Variants in KHDRBS2 observed in about 807,000 individuals in gnomAD.
The protein encoded by KHDRBS2 is KH RNA binding domain containing, signal transduction associated 2, also known as KH domain-containing, RNA-binding, signal transduction-associated protein 2.
In KHDRBS2, 26 loss-of-function variants were observed where a neutral mutation model predicts 44.3. The ratio of observed to expected loss-of-function variants is 0.59; its 90% CI spans 0.43 to 0.81. The LOEUF (loss-of-function observed/expected upper bound fraction) is 0.81. KHDRBS2 is among the 40% of genes least tolerant of loss of function. The probability of loss-of-function intolerance (pLI) is 0.00; values close to 1 mark genes in which losing one functional copy is unlikely to be tolerated. For synonymous variants in KHDRBS2, 194 were observed against 151.1 expected (o/e 1.28, Z -2.08); for missense variants, 476 against 433.1 (o/e 1.10, Z -0.88).
intron 6 of KHDRBS2, among the ~76,000 whole-genome samples, chr6:61,876,629 G>C (rs570181196): frequency 2.6e-4 from 40 of 152,138 alleles, no homozygotes; most frequent in African/African-American, 9.1e-4. Flanking sequence ...ATGGCATTCA[G>C]TTGTTGCAGT....
At chr6:61,785,653 G>A (rs1192065) in intron 6 of KHDRBS2, among the ~76,000 whole-genome samples, 97,446 of 151,830 alleles carry the variant, frequency 0.64, 31,994 homozygotes, top group African/African-American at 0.79. Context: ...ACCACAATAG[G>A]AAGATGAAGA....
At chr6:61,718,893 TC>T (rs1299590432) in intron 7 of KHDRBS2, among the ~76,000 whole-genome samples, 2 of 152,060 alleles carry the variant, frequency 1.3e-5, no homozygotes, top group Admixed American at 6.6e-5. Context: ...GGAGTCTAAT[TC>T]CCCGCCCCCA....
At chr6:61,912,564 G>T (rs1275042217) in intron 4 of KHDRBS2, among the ~76,000 whole-genome samples, 2 of 152,106 alleles carry the variant, frequency 1.3e-5, no homozygotes, top group East Asian at 3.9e-4. Context: ...GAAGACCTGG[G>T]TTCTTTGCTC....
chr6:61,589,358 G>A, the KHDRBS2 span, among the ~76,000 whole-genome samples: 1 of 152,160 alleles, frequency 6.6e-6, no homozygotes, highest in East Asian at 1.9e-4. Context: ...AAGAATGAAA[G>A]TCACTAAGGA....
chr6:61,665,082 A>G, the KHDRBS2 span, among the ~76,000 whole-genome samples: 1 of 151,580 alleles, frequency 6.6e-6, no homozygotes, highest in Non-Finnish European at 1.5e-5. Context: ...TTACATAAAA[A>G]TTTGTGTTTG....
intron 6 of KHDRBS2, among the ~76,000 whole-genome samples, chr6:61,788,503 G>T (rs1225852498): frequency 1.3e-5 from 2 of 151,370 alleles, no homozygotes; most frequent in Non-Finnish European, 1.5e-5. Context: ...GTAATTGTGA[G>T]ATATTTATGT....
At chr6:62,241,304 A>G (rs1283075644) in intron 1 of KHDRBS2, among the ~76,000 whole-genome samples, 1 of 152,188 alleles carries the variant, frequency 6.6e-6, no homozygotes, top group Non-Finnish European at 1.5e-5. Flanking sequence ...GCAAGAATTA[A>G]CTTTAAAAAC....
At chr6:62,070,655 C>A (rs1584503124) in intron 2 of KHDRBS2, among the ~76,000 whole-genome samples, 1 of 152,142 alleles carries the variant, frequency 6.6e-6, no homozygotes, top group African/African-American at 2.4e-5. Context: ...CATGCCCCTA[C>A]AAAGGACATG....
chr6:61,904,260 T>C (rs1214153797), intron 4 of KHDRBS2, among the ~76,000 whole-genome samples: 6 of 152,180 alleles, frequency 3.9e-5, no homozygotes, highest in Non-Finnish European at 8.8e-5. Context: ...ATTTAAATCT[T>C]TGCTCAGAGT....
At chr6:61,619,982 G>A in the KHDRBS2 span, among the ~76,000 whole-genome samples, 3 of 152,000 alleles carry the variant, frequency 2.0e-5, no homozygotes, top group Middle Eastern at 3.4e-3. Context: ...CTTTCATTTC[G>A]ATTACTTGTG....
intron 6 of KHDRBS2, among the ~76,000 whole-genome samples, chr6:61,826,530 C>T (rs1583035377): frequency 6.6e-6 from 1 of 152,022 alleles, no homozygotes; most frequent in Admixed American, 6.6e-5. Context: ...TTACTGGCTT[C>T]TGGCTACTTC....
At chr6:61,723,589 A>G (rs1773065030) in intron 7 of KHDRBS2, among the ~76,000 whole-genome samples, 1 of 152,044 alleles carries the variant, frequency 6.6e-6, no homozygotes, top group South Asian at 2.1e-4. Flanking sequence ...AAACAACAAT[A>G]CAGAAGCTGA....
intron 2 of KHDRBS2, among the ~76,000 whole-genome samples, chr6:62,084,934 A>G (rs1257237122): frequency 6.6e-6 from 1 of 152,178 alleles, no homozygotes; most frequent in Non-Finnish European, 1.5e-5. Flanking sequence ...CTTATGGCAC[A>G]TGTAAATGAA....
chr6:61,958,210 T>C (rs1192798127), intron 4 of KHDRBS2, among the ~76,000 whole-genome samples: 1 of 152,168 alleles, frequency 6.6e-6, no homozygotes, highest in Non-Finnish European at 1.5e-5. Flanking sequence ...TATTCTTAAT[T>C]TCTTTGTGGA....
chr6:61,576,182 T>A, the KHDRBS2 span, among the ~76,000 whole-genome samples: 1 of 152,218 alleles, frequency 6.6e-6, no homozygotes, highest in African/African-American at 2.4e-5. Flanking sequence ...GGCAGTATGA[T>A]CATTTTAATA....
chr6:61,848,512 T>TATATATATAC (rs1794848850), intron 6 of KHDRBS2, among the ~76,000 whole-genome samples: 1 of 50,938 alleles, frequency 2.0e-5, no homozygotes, highest in Non-Finnish European at 3.5e-5. Flanking sequence ...TATATATATG[T>TATATATATAC]ATATATGTAT....
the KHDRBS2 span, among the ~76,000 whole-genome samples, chr6:61,622,273 C>A: frequency 2.6e-5 from 4 of 152,210 alleles, no homozygotes; most frequent in African/African-American, 9.6e-5. Flanking sequence ...CTATGAAGTT[C>A]TCTCCTCTGT....
chr6:61,877,777 T>C (rs17349002), intron 6 of KHDRBS2, among the ~76,000 whole-genome samples: 25,726 of 151,948 alleles, frequency 0.17, 2,313 homozygotes, highest in Non-Finnish European at 0.2. Flanking sequence ...GGCTAAAAAA[T>C]CTGTAGTCAT....
chr6:62,039,279 C>CAT lies in KHDRBS2; in HGVS notation c.336+8598_336+8599insAT, dbSNP rs1214313102. Among the ~76,000 whole-genome samples, 13 of 151,232 alleles carry CAT rather than the reference C, an allele frequency of 8.6e-5. No individual in the cohort carries two copies. In the South Asian group the frequency reaches 2.5e-3, roughly 29 times the overall value. ...AAACACACACACACACACACACACA[C>CAT]ACACAAACACACACACCCCTCTAGA... On this transcript the variant is annotated intron_variant, in intron 3 of 8. Transcript: ENST00000281156.
Sources: gnomAD v4.1 joint callset for allele counts (sites outside exome capture counted in the v4.1 genomes callset) on GRCh38, gnomAD v4.1.1 for gene constraint, MANE v1.5 for transcripts, NCBI Gene and HGNC (gene_info 2026-07-23, HGNC 2026-07-21) for gene names.